RAVER2: variants seen among roughly 807,000 people sequenced by gnomAD.
RAVER2 encodes the protein ribonucleoprotein, PTB binding 2.
RAVER2 carries 46 observed loss-of-function variants against 78.1 expected under a neutral mutation model. The observed-to-expected ratio is 0.59, with a 90% CI of 0.46 to 0.75. The LOEUF is 0.75. RAVER2 is among the 30% of genes least tolerant of loss of function. The pLI, the probability that RAVER2 is intolerant of heterozygous loss-of-function variation, is 0.00. For synonymous variants in RAVER2, 311 were observed against 313.3 expected (o/e 0.99, Z 0.08); for missense variants, 793 against 837.5 (o/e 0.95, Z 0.66).
At chr1:64,816,218 T>C (rs186492604) in intron 11 of RAVER2, 51 of 152,342 alleles carry the variant, frequency 3.3e-4, no homozygotes, top group African/African-American at 1.2e-3. Flanking sequence ...TGTATACTTA[T>C]ATCCATGGAA....
At chr1:64,830,950 A>G (rs770447681) in exon 12 of RAVER2, 1 of 1,613,708 alleles carries the variant, frequency 6.2e-7, no homozygotes, top group Admixed American at 1.7e-5. Context: ...AGCATATTAC[A>G]TGGAAACTTA....
chr1:64,796,464 C>T (rs1380569364), intron 5 of RAVER2, among the ~76,000 whole-genome samples: 1 of 152,062 alleles, frequency 6.6e-6, no homozygotes, highest in Non-Finnish European at 1.5e-5. Context: ...AGAGCTATTT[C>T]AGGATCTTGT....
chr1:64,751,741 TCTTTA>T (rs979300014), intron 1 of RAVER2, among the ~76,000 whole-genome samples: 9 of 152,232 alleles, frequency 5.9e-5, no homozygotes, highest in Admixed American at 2.6e-4. Context: ...TTTTTTAAAA[TCTTTA>T]CTTTATTTTG....
intron 4 of RAVER2, among the ~76,000 whole-genome samples, chr1:64,781,955 G>A (rs1652642847): frequency 6.6e-6 from 1 of 151,966 alleles, no homozygotes; most frequent in South Asian, 2.1e-4. Flanking sequence ...CCAGGCTGGA[G>A]TGCAGTGGCA....
intron 5 of RAVER2, among the ~76,000 whole-genome samples, chr1:64,799,479 G>T (rs1653198988): frequency 6.6e-6 from 1 of 152,088 alleles, no homozygotes; most frequent in African/African-American, 2.4e-5. Flanking sequence ...GTCCCACCCT[G>T]TTGCTCAGGC....
At chr1:64,796,797 C>T (rs1653108628) in intron 5 of RAVER2, among the ~76,000 whole-genome samples, 1 of 152,046 alleles carries the variant, frequency 6.6e-6, no homozygotes, top group South Asian at 2.1e-4. Context: ...TTACCTTGAA[C>T]ATATTTTGTT....
Position 64,796,131 on chromosome 1 carries a change from C to A in RAVER2, c.1105+6617C>A, listed in dbSNP as rs1000999952. Reference sequence around the variant, plus strand: ...ACCAACCTTTTATTCTTAGGGTAAACCTCACTTAGTCATGTTATATTATAA... The same window carrying A: ...ACCAACCTTTTATTCTTAGGGTAAAACTCACTTAGTCATGTTATATTATAA... On this transcript the variant is annotated intron_variant, in intron 5 of 11. Coordinates refer to ENST00000294428, the Ensembl canonical transcript of RAVER2. Among the ~76,000 whole-genome samples, 4 of 151,826 alleles carry A rather than the reference C, an allele frequency of 2.6e-5. No homozygotes were observed. In the East Asian group the frequency reaches 7.7e-4, roughly 29 times the overall value.
exon 12 of RAVER2, chr1:64,832,478 T>TAAGA (rs774896973): frequency 6.5e-6 from 1 of 152,678 alleles, no homozygotes; most frequent in East Asian, 1.9e-4. Context: ...GTTTATGTTA[T>TAAGA]AAGACTGTAA....
intron 6 of RAVER2, among the ~76,000 whole-genome samples, chr1:64,803,520 A>G (rs940046682): frequency 1.3e-5 from 2 of 152,186 alleles, no homozygotes; most frequent in African/African-American, 4.8e-5. Flanking sequence ...ATGTGTGTTT[A>G]TAGATTTAAA....
At chr1:64,810,048 C>T (rs1653561501) in intron 9 of RAVER2, among the ~76,000 whole-genome samples, 1 of 152,152 alleles carries the variant, frequency 6.6e-6, no homozygotes, top group Admixed American at 6.5e-5. Flanking sequence ...CTGCTGTGAA[C>T]ATTGGTATCT....
At chr1:64,809,479 C>G in intron 9 of RAVER2, among the ~76,000 whole-genome samples, 1 of 131,614 alleles carries the variant, frequency 7.6e-6, no homozygotes, top group Non-Finnish European at 1.6e-5. Context: ...CCAGAATCAC[C>G]TCTAGTGCAA....
chr1:64,787,824 ACCCATGCACT>A (rs1652824294), intron 4 of RAVER2, among the ~76,000 whole-genome samples: 1 of 152,094 alleles, frequency 6.6e-6, no homozygotes, highest in Non-Finnish European at 1.5e-5. Flanking sequence ...CTGTGTGTGG[ACCCATGCACT>A]CTCATGCTCT....
intron 9 of RAVER2, among the ~76,000 whole-genome samples, chr1:64,808,171 T>C (rs764939875): frequency 3.9e-5 from 6 of 152,150 alleles, no homozygotes; most frequent in Non-Finnish European, 7.4e-5. Context: ...CCGAATCATT[T>C]TATTGGCTAA....
chr1:64,792,813 T>C (rs1443365100), intron 5 of RAVER2, among the ~76,000 whole-genome samples: 1 of 152,200 alleles, frequency 6.6e-6, no homozygotes, highest in South Asian at 2.1e-4. Flanking sequence ...TTATTTTTCT[T>C]TTACTATGTC....
chr1:64,749,130 C>T (rs1045865941), intron 1 of RAVER2, among the ~76,000 whole-genome samples: 2 of 151,982 alleles, frequency 1.3e-5, no homozygotes, highest in African/African-American at 4.8e-5. Flanking sequence ...TGAGCCACTG[C>T]ACCCAGCCAT....
chr1:64,823,802 A>ATT (rs759134955), intron 11 of RAVER2, among the ~76,000 whole-genome samples: 8,004 of 122,698 alleles, frequency 0.065, 361 homozygotes, highest in Admixed American at 0.11. Context: ...GTAAGTTGTG[A>ATT]TTTTTTTTTT....
chr1:64,752,182 A>G (rs1011206439), intron 1 of RAVER2, among the ~76,000 whole-genome samples: 6 of 152,224 alleles, frequency 3.9e-5, no homozygotes, highest in Non-Finnish European at 7.3e-5. Context: ...GATTGCACCA[A>G]CAAGGCTCTC....
chr1:64,788,791 CAA>C (rs35159558), intron 4 of RAVER2, among the ~76,000 whole-genome samples: 18,216 of 109,762 alleles, frequency 0.17, 1,324 homozygotes, highest in Admixed American at 0.28. Context: ...GACTCCGTCT[CAA>C]AAAAAAAAAA....
At chr1:64,827,798 TG>T (rs1380586289) in intron 11 of RAVER2, among the ~76,000 whole-genome samples, 1 of 152,240 alleles carries the variant, frequency 6.6e-6, no homozygotes, top group Non-Finnish European at 1.5e-5. Flanking sequence ...AATAGCCTCC[TG>T]GTGAGACTTA....
Sources: gnomAD v4.1 joint callset for allele counts (sites outside exome capture counted in the v4.1 genomes callset) on GRCh38, gnomAD v4.1.1 for gene constraint, MANE v1.5 for transcripts, NCBI Gene and HGNC (gene_info 2026-07-23, HGNC 2026-07-21) for gene names.